GALNTL6: variants seen among roughly 807,000 people sequenced by gnomAD.
GALNTL6 encodes polypeptide N-acetylgalactosaminyltransferase-like 6.
A neutral mutation model predicts 73.7 loss-of-function variants in GALNTL6; 46 were observed. The observed-to-expected ratio is 0.62, with a 90% CI of 0.49 to 0.80. GALNTL6 has a LOEUF of 0.80. Among genes scored for constraint, GALNTL6 ranks in the 30% least tolerant of loss-of-function variants. GALNTL6 has a pLI of 0.00. For synonymous variants in GALNTL6, 259 were observed against 263.7 expected, an observed-to-expected ratio of 0.98 and a Z score of 0.17; for missense variants, 604 against 755.0, an observed-to-expected ratio of 0.80 and a Z score of 2.34.
At chr4:172,605,344 C>T (rs892723931) in intron 5 of GALNTL6, among the ~76,000 whole-genome samples, 2 of 152,096 alleles carry the variant, frequency 1.3e-5, no homozygotes, top group Non-Finnish European at 2.9e-5. Flanking sequence ...CTGACTGGTG[C>T]TGTGCATGGT....
chr4:172,128,697 A>AT (rs1351366757), intron 2 of GALNTL6, among the ~76,000 whole-genome samples: 1 of 152,074 alleles, frequency 6.6e-6, no homozygotes, highest in African/African-American at 2.4e-5. Flanking sequence ...AGGACTGGCT[A>AT]TTTTTCTTTT....
intron 2 of GALNTL6, among the ~76,000 whole-genome samples, chr4:172,186,795 A>G (rs771029733): frequency 3.3e-5 from 5 of 152,122 alleles, no homozygotes; most frequent in Non-Finnish European, 5.9e-5. Context: ...ATATGGAGTA[A>G]CTGATTAATG....
At chr4:172,737,889 G>A (rs973141343) in intron 5 of GALNTL6, among the ~76,000 whole-genome samples, 3 of 152,168 alleles carry the variant, frequency 2.0e-5, no homozygotes, top group African/African-American at 7.2e-5. Flanking sequence ...AAATTGGGAA[G>A]GTCCCAAAAG....
chr4:172,876,898 C>A (rs1423262697), intron 7 of GALNTL6, among the ~76,000 whole-genome samples: 2 of 152,194 alleles, frequency 1.3e-5, no homozygotes, highest in South Asian at 4.1e-4. Context: ...GAGTCATGGG[C>A]CAACTAAAGA....
chr4:172,788,324 C>A (rs1381593559), intron 5 of GALNTL6, among the ~76,000 whole-genome samples: 1 of 152,194 alleles, frequency 6.6e-6, no homozygotes, highest in Admixed American at 6.5e-5. Context: ...GTGAGCCATG[C>A]TCATGCCACT....
chr4:172,135,249 A>C (rs2111026502), intron 2 of GALNTL6, among the ~76,000 whole-genome samples: 1 of 152,248 alleles, frequency 6.6e-6, no homozygotes, highest in Admixed American at 6.5e-5. Flanking sequence ...ATTTTCCAGA[A>C]AATTATGTAT....
At chr4:171,855,040 T>TG (rs1578913826) in intron 2 of GALNTL6, among the ~76,000 whole-genome samples, 2 of 152,102 alleles carry the variant, frequency 1.3e-5, no homozygotes, top group African/African-American at 4.8e-5. Context: ...ATAAGTTACA[T>TG]GCACCCCCTT....
chr4:172,287,541 C>T (rs1269934838), intron 3 of GALNTL6, among the ~76,000 whole-genome samples: 1 of 152,104 alleles, frequency 6.6e-6, no homozygotes, highest in African/African-American at 2.4e-5. Flanking sequence ...TGTCTTATTA[C>T]CTAGAAATAA....
At chr4:172,694,221 C>T (rs1733523379) in intron 5 of GALNTL6, among the ~76,000 whole-genome samples, 1 of 151,748 alleles carries the variant, frequency 6.6e-6, no homozygotes. Context: ...TGTTTTGCTG[C>T]ACCCATCAAC....
intron 5 of GALNTL6, among the ~76,000 whole-genome samples, chr4:172,462,755 C>A (rs1334479992): frequency 2.0e-5 from 3 of 152,054 alleles, no homozygotes; most frequent in Admixed American, 2.0e-4. Context: ...ATGTGTTGCC[C>A]AATTGAATAA....
intron 3 of GALNTL6, among the ~76,000 whole-genome samples, chr4:172,244,097 G>T (rs1033439608): frequency 2.0e-5 from 3 of 152,008 alleles, no homozygotes; most frequent in Non-Finnish European, 4.4e-5. Context: ...GAGATTTGTT[G>T]GGAAGTGGTC....
chr4:171,969,285 G>C (rs1312564792), intron 2 of GALNTL6, among the ~76,000 whole-genome samples: 1 of 152,092 alleles, frequency 6.6e-6, no homozygotes, highest in East Asian at 1.9e-4. Context: ...TATACTGCTA[G>C]AGTGTGTATC....
At chr4:172,703,394 T>C (rs750646202) in intron 5 of GALNTL6, among the ~76,000 whole-genome samples, 33 of 152,150 alleles carry the variant, frequency 2.2e-4, no homozygotes, top group Admixed American at 3.9e-4. Flanking sequence ...TTAAGTATTT[T>C]TATTATGAAG....
chr4:172,772,041 A>T (rs978883166), intron 5 of GALNTL6, among the ~76,000 whole-genome samples: 1 of 151,992 alleles, frequency 6.6e-6, no homozygotes, highest in Non-Finnish European at 1.5e-5. Context: ...CGAAAGGTGA[A>T]AGGCACGTCT....
intron 3 of GALNTL6, among the ~76,000 whole-genome samples, chr4:172,275,395 C>T (rs930242339): frequency 6.6e-6 from 1 of 152,138 alleles, no homozygotes; most frequent in African/African-American, 2.4e-5. Context: ...CTGGACTACC[C>T]AGCTTGAATT....
intron 5 of GALNTL6, among the ~76,000 whole-genome samples, chr4:172,415,982 TC>T (rs915877753): frequency 1.3e-5 from 2 of 152,184 alleles, no homozygotes; most frequent in African/African-American, 2.4e-5. Flanking sequence ...TTCTGTCTTT[TC>T]TTTAACTCCT....
intron 9 of GALNTL6, among the ~76,000 whole-genome samples, chr4:172,941,332 T>A (rs1748909745): frequency 6.6e-6 from 1 of 152,218 alleles, no homozygotes. Flanking sequence ...TGAATAGTGA[T>A]CCCAGATAAT....
intron 9 of GALNTL6, among the ~76,000 whole-genome samples, chr4:172,949,556 A>G (rs1365939366): frequency 6.6e-6 from 1 of 152,182 alleles, no homozygotes; most frequent in African/African-American, 2.4e-5. Context: ...CCTAAAATCA[A>G]TTTTGAATAT....
chr4:172,347,916 T>C (rs1741805960), intron 4 of GALNTL6, among the ~76,000 whole-genome samples: 1 of 152,208 alleles, frequency 6.6e-6, no homozygotes, highest in Non-Finnish European at 1.5e-5. Context: ...GATTTCTTTT[T>C]AGAGTTTTCA....
Sources: allele counts gnomAD v4.1 joint callset (sites outside exome capture counted in the v4.1 genomes callset), GRCh38; gene constraint gnomAD v4.1.1; transcripts MANE v1.5; gene names NCBI Gene and HGNC (gene_info 2026-07-23, HGNC 2026-07-21).